Variants in BANK1 observed in about 807,000 individuals in gnomAD.
BANK1 encodes the protein B cell scaffold protein with ankyrin repeats 1.
In BANK1, 95 loss-of-function variants were observed where a neutral mutation model predicts 94.5. The observed-to-expected ratio is 1.00, with a 90% CI of 0.85 to 1.19. The LOEUF is 1.19. Among genes scored for constraint, BANK1 ranks in the 50% most tolerant of loss-of-function variants. The pLI is 0.00. For missense variants in BANK1, 987 were observed against 932.2 expected (o/e 1.06, Z -0.77); for synonymous variants, 334 against 308.4 (o/e 1.08, Z -0.87).
At chr4:101,838,147 C>T (rs181866804) in intron 2 of BANK1, among the ~76,000 whole-genome samples, 20 of 152,146 alleles carry the variant, frequency 1.3e-4, no homozygotes, top group Admixed American at 2.0e-4. Context: ...TTAGTAGACA[C>T]GGGGTTTCAC....
intron 5 of BANK1, among the ~76,000 whole-genome samples, chr4:101,890,944 C>G (rs1182941025): frequency 6.6e-6 from 1 of 151,768 alleles, no homozygotes; most frequent in Non-Finnish European, 1.5e-5. Flanking sequence ...TACCCATCCC[C>G]CATTTATAAT....
In BANK1 at chr4:101,895,379, T is replaced by C; in HGVS notation, c.978T>C (p.Ser326=). Residue 326 remains serine (S), a synonymous_variant, in exon 6 of 17, where the codon TCT becomes TCC. Coordinates refer to ENST00000322953, the MANE Select transcript of BANK1 (RefSeq NM_017935.5). ...AGATACCATATTATGAGTTCCAGTC[T>C]CTTCAAACTGAAATTTGTTCTCAAA... ...KHEIPYYEFQ[S]LQTEICSQNK... The C allele has an allele frequency of 6.3e-7, 1 of 1,593,346 alleles. No individual in the cohort carries two copies. The highest frequency in any genetic ancestry group is 1.1e-5 in the South Asian group (1 of 88,790).
intron 7 of BANK1, among the ~76,000 whole-genome samples, chr4:101,925,394 G>A (rs2148903052): frequency 6.6e-6 from 1 of 151,806 alleles, no homozygotes; most frequent in South Asian, 2.1e-4. Context: ...ATGAGGACAA[G>A]TGATGATATG....
chr4:101,968,640 G>A (rs929556098), intron 7 of BANK1, among the ~76,000 whole-genome samples: 2 of 151,958 alleles, frequency 1.3e-5, no homozygotes, highest in Non-Finnish European at 2.9e-5. Context: ...AAGTACAAGG[G>A]CACTGCTGAA....
intron 7 of BANK1, among the ~76,000 whole-genome samples, chr4:101,925,428 A>T (rs2148903069): frequency 6.6e-6 from 1 of 151,890 alleles, no homozygotes; most frequent in Admixed American, 6.6e-5. Context: ...ATGCCTCAGT[A>T]GGTAATGATT....
At chr4:101,809,920 A>C (rs1348086296) in intron 1 of BANK1, among the ~76,000 whole-genome samples, 2 of 152,220 alleles carry the variant, frequency 1.3e-5, no homozygotes, top group Non-Finnish European at 2.9e-5. Context: ...GTTATGTTTT[A>C]TGGCAGAGAA....
chr4:101,914,548 A>C (rs185659727), intron 6 of BANK1, among the ~76,000 whole-genome samples: 1 of 152,264 alleles, frequency 6.6e-6, no homozygotes, highest in East Asian at 1.9e-4. Context: ...TGTTCTATAA[A>C]GTAATCGAAT....
intron 5 of BANK1, among the ~76,000 whole-genome samples, chr4:101,888,384 T>TCTCCCAGTACCCCTAC (rs1728932027): frequency 6.6e-6 from 1 of 152,162 alleles, no homozygotes; most frequent in Non-Finnish European, 1.5e-5. Context: ...TGTAGCCCCC[T>TCTCCCAGTACCCCTAC]CTCCCAGTAC....
At chr4:102,052,419 TA>T (rs1360871140) in intron 11 of BANK1, among the ~76,000 whole-genome samples, 2 of 152,054 alleles carry the variant, frequency 1.3e-5, no homozygotes, top group Non-Finnish European at 2.9e-5. Context: ...CCAGAAGGAT[TA>T]AAGATGAGAA....
chr4:101,790,952 T>TG lies in BANK1; in HGVS notation c.70+5dup. 6.6e-7 allele frequency: 1 copy of TG among 1,508,390 alleles called. No individual in the cohort carries two copies. The highest frequency in any genetic ancestry group is 8.8e-7 in the Non-Finnish European group (1 of 1,134,694). The allele number at this position is 1,508,390 out of a possible 1,614,324, so 93.4% of individuals were successfully genotyped here. ...CCCCCTGCGGCCCAGCGCCCCCAGG[T>TG]GGGTAGTCGCGCATTCGGAGGGGCT... On this transcript the variant is annotated splice_region_variant and intron_variant, in intron 1 of 16. Transcript: ENST00000322953.
intron 7 of BANK1, among the ~76,000 whole-genome samples, chr4:101,966,211 C>A (rs1397404639): frequency 6.6e-6 from 1 of 151,982 alleles, no homozygotes; most frequent in Non-Finnish European, 1.5e-5. Flanking sequence ...CTTTTTCTAA[C>A]AAACATTTTC....
intron 8 of BANK1, among the ~76,000 whole-genome samples, chr4:102,023,820 T>C (rs1411470022): frequency 6.6e-6 from 1 of 152,200 alleles, no homozygotes; most frequent in African/African-American, 2.4e-5. Flanking sequence ...GATGACTGAT[T>C]TGCCCATACA....
intron 4 of BANK1, among the ~76,000 whole-genome samples, chr4:101,867,987 T>C (rs186741319): frequency 7.2e-5 from 11 of 151,820 alleles, no homozygotes; most frequent in African/African-American, 1.9e-4. Flanking sequence ...GTTTAGTGAA[T>C]AGTCTAAGAA....
chr4:101,799,942 C>G (rs899604974), intron 1 of BANK1, among the ~76,000 whole-genome samples: 5 of 151,992 alleles, frequency 3.3e-5, no homozygotes, highest in African/African-American at 1.2e-4. Flanking sequence ...TGGAATAATA[C>G]TATGCAGCCA....
At chr4:101,864,182 G>T (rs114791346) in intron 4 of BANK1, among the ~76,000 whole-genome samples, 1 of 152,072 alleles carries the variant, frequency 6.6e-6, no homozygotes, top group Non-Finnish European at 1.5e-5. Context: ...TTCAACTGTT[G>T]TATTCTTTAA....
rs1728900307 is a variant in BANK1, at chr4:101,887,560, TC to T, written c.904-7744del. Among the ~76,000 whole-genome samples the T allele has an allele frequency of 2.0e-5, 3 of 152,302 alleles. No homozygotes were observed. The South Asian group carries it at 6.2e-4, about 32-fold the overall frequency. On this transcript the variant is annotated intron_variant, in intron 5 of 16. Coordinates refer to ENST00000322953, the MANE Select transcript of BANK1 (RefSeq NM_017935.5). ...TACATTTAATATTTACATTTAAACT[TC>T]TAAAAAATTCTGTCAGTTAATTATT...
chr4:101,795,830 G>A (rs945905904), intron 1 of BANK1, among the ~76,000 whole-genome samples: 4 of 152,114 alleles, frequency 2.6e-5, no homozygotes, highest in African/African-American at 9.7e-5. Context: ...TGTAAATCAA[G>A]TAGAATGAGG....
intron 7 of BANK1, among the ~76,000 whole-genome samples, chr4:102,010,032 T>A (rs562794410): frequency 2.0e-5 from 3 of 152,136 alleles, no homozygotes; most frequent in Non-Finnish European, 2.9e-5. Context: ...TTTGGGAGGC[T>A]AAGGTGGGCA....
At chr4:101,917,484 C>T (rs1393997485) in intron 6 of BANK1, among the ~76,000 whole-genome samples, 3 of 151,780 alleles carry the variant, frequency 2.0e-5, no homozygotes. Context: ...AAGCACTCAC[C>T]TGTATTTTCT....
Sources: allele counts gnomAD v4.1 joint callset (sites outside exome capture counted in the v4.1 genomes callset), GRCh38; gene constraint gnomAD v4.1.1; transcripts MANE v1.5; gene names NCBI Gene and HGNC (gene_info 2026-07-23, HGNC 2026-07-21).